GLRA3: variants seen among roughly 807,000 people sequenced by gnomAD.
GLRA3 encodes glycine receptor subunit alpha-3.
GLRA3 carries 44 observed loss-of-function variants against 60.4 expected under a neutral mutation model. That is an observed-to-expected ratio of 0.73 (90% CI 0.57 to 0.94). The LOEUF is 0.94. Among genes scored for constraint, GLRA3 ranks in the 40% least tolerant of loss-of-function variants. The pLI, the probability that GLRA3 is intolerant of heterozygous loss-of-function variation, is 0.00. For missense variants in GLRA3, 508 were observed against 564.6 expected (o/e 0.90, Z 1.02); for synonymous variants, 223 against 192.9 (o/e 1.16, Z -1.29).
chr4:174,686,661 G>T lies in GLRA3; in HGVS notation c.575-3722C>A, dbSNP rs188527334. Among the ~76,000 whole-genome samples the T allele has an allele frequency of 2.0e-5, 3 of 152,280 alleles. No individual in the cohort carries two copies. The East Asian group carries it at 5.8e-4, about 29-fold the overall frequency. On this transcript the variant is annotated intron_variant, in intron 5 of 9. Transcript: ENST00000274093. ...AGAAACTGCTGTGTGCATTTAGCGC[G>T]GGGTTCTGTGATATCTACCTAGGCC... is the stretch of plus-strand genomic sequence containing the variant.
At chr4:174,766,852 C>T in intron 3 of GLRA3, 111 bp downstream of exon 3, 2 of 597,986 alleles carry the variant, frequency 3.3e-6, no homozygotes, top group Non-Finnish European at 6.0e-6. Context: ...ATTAATTTTA[C>T]ATTTTAAAAT....
At chr4:174,666,309 T>C (rs768362136) in intron 7 of GLRA3, among the ~76,000 whole-genome samples, 1 of 152,078 alleles carries the variant, frequency 6.6e-6, no homozygotes, top group Non-Finnish European at 1.5e-5. Flanking sequence ...AACTTCCTAG[T>C]AGACAACGTA....
At chr4:174,675,243 T>A (rs1469444777) in intron 7 of GLRA3, among the ~76,000 whole-genome samples, 1 of 152,176 alleles carries the variant, frequency 6.6e-6, no homozygotes, top group Non-Finnish European at 1.5e-5. Flanking sequence ...AAAATTTATT[T>A]CTTCTGTAAG....
intron 3 of GLRA3, among the ~76,000 whole-genome samples, chr4:174,729,968 T>A (rs1314004501): frequency 6.6e-6 from 1 of 152,198 alleles, no homozygotes; most frequent in Non-Finnish European, 1.5e-5. Context: ...TTGTACTGAA[T>A]GTTACAAATC....
chr4:174,656,799 T>C lies in GLRA3; in HGVS notation c.1072-12A>G. On this transcript the variant is annotated splice_polypyrimidine_tract_variant and intron_variant, in intron 8 of 9. Coordinates refer to ENST00000274093, the MANE Select transcript of GLRA3 (RefSeq NM_006529.4). ...GCAAAAGCTTCTGTCTGTGGGAAGG[T>C]AAAGTGGACCAAGAGGAATTGAGAA... 1 of 1,534,352 alleles carries C rather than the reference T, an allele frequency of 6.5e-7. No homozygotes were observed. Among genetic ancestry groups the C allele is most frequent in the Non-Finnish European group, 9.0e-7 (1 of 1,107,712 alleles).
intron 5 of GLRA3, among the ~76,000 whole-genome samples, chr4:174,692,256 G>T (rs1271596927): frequency 1.4e-5 from 2 of 138,134 alleles, no homozygotes; most frequent in African/African-American, 5.4e-5. Context: ...CGCCCCATCC[G>T]CGAGGGAGGT....
chr4:174,717,380 AAG>A (rs1735968337), intron 4 of GLRA3, among the ~76,000 whole-genome samples: 11 of 136,814 alleles, frequency 8.0e-5, no homozygotes, highest in African/African-American at 2.9e-4. Flanking sequence ...AGGAAGGAAA[AAG>A]AAAGAAGAAA....
intron 1 of GLRA3, among the ~76,000 whole-genome samples, chr4:174,821,820 A>G (rs1206065897): frequency 6.6e-6 from 1 of 152,182 alleles, no homozygotes; most frequent in Non-Finnish European, 1.5e-5. Flanking sequence ...AGTAGTTAAT[A>G]TCTTCTAAGG....
chr4:174,647,728 A>T (rs929568401), intron 9 of GLRA3, among the ~76,000 whole-genome samples: 1 of 152,216 alleles, frequency 6.6e-6, no homozygotes, highest in African/African-American at 2.4e-5. Flanking sequence ...GTTTGAAAAA[A>T]AAAATAACTC....
At chr4:174,790,439 G>T (rs1488947590) in intron 1 of GLRA3, among the ~76,000 whole-genome samples, 1 of 151,906 alleles carries the variant, frequency 6.6e-6, no homozygotes, top group Non-Finnish European at 1.5e-5. Flanking sequence ...CTACCATCTG[G>T]TTTTAAGTAA....
rs116823670 is a variant in GLRA3, at chr4:174,663,786, C to T, written c.928-4589G>A. On this transcript the variant is annotated intron_variant, in intron 7 of 9. Transcript: ENST00000274093. ...TTCACAACACACTCATGACACACAG[C>T]GCACTCCCCATGGATTCAGAGTCAT... is the stretch of plus-strand genomic sequence containing the variant. 7.5e-3 allele frequency among the ~76,000 whole-genome samples: 1,148 copies of T among 152,232 alleles called. 11 individuals are homozygous for T. The highest frequency in any genetic ancestry group is 0.01 in the Non-Finnish European group (703 of 68,018).
At chr4:174,665,816 T>A (rs2110913334) in intron 7 of GLRA3, among the ~76,000 whole-genome samples, 1 of 152,246 alleles carries the variant, frequency 6.6e-6, no homozygotes, top group African/African-American at 2.4e-5. Flanking sequence ...AGGCTCTCAG[T>A]TGGGTTGACT....
chr4:174,741,288 G>T (rs1055832856), intron 3 of GLRA3, among the ~76,000 whole-genome samples: 4 of 152,094 alleles, frequency 2.6e-5, no homozygotes, highest in African/African-American at 9.7e-5. Flanking sequence ...TCTAATATGT[G>T]TGTAGTTGTT....
intron 5 of GLRA3, among the ~76,000 whole-genome samples, chr4:174,697,685 T>A (rs1735115338): frequency 6.6e-6 from 1 of 152,208 alleles, no homozygotes; most frequent in Non-Finnish European, 1.5e-5. Flanking sequence ...AGACTTAAAG[T>A]TTCCCCCTTT....
rs79930097 is a variant in GLRA3 at position 174,708,341 on chromosome 4, C to T, written c.574+7147G>A. 0.013 allele frequency among the ~76,000 whole-genome samples: 2,022 copies of T among 150,708 alleles called. 165 individuals carry two copies. In the East Asian group the frequency reaches 0.21, roughly 16 times the overall value. Reference sequence around the variant, plus strand: ...ATCTGAGAAATTAAATCATAAAATCCTCTCATCTCTCTTTAGAAATTTCTA... The same window carrying T: ...ATCTGAGAAATTAAATCATAAAATCTTCTCATCTCTCTTTAGAAATTTCTA... On this transcript the variant is annotated intron_variant, in intron 5 of 9. Transcript: ENST00000274093.
intron 6 of GLRA3, among the ~76,000 whole-genome samples, chr4:174,680,792 T>C (rs1244884554): frequency 6.6e-6 from 1 of 152,228 alleles, no homozygotes; most frequent in Non-Finnish European, 1.5e-5. Flanking sequence ...AATTTGTGTA[T>C]GAAAACATTT....
intron 5 of GLRA3, among the ~76,000 whole-genome samples, chr4:174,692,954 A>T (rs1178652739): frequency 3.3e-5 from 5 of 151,996 alleles, no homozygotes; most frequent in Non-Finnish European, 5.9e-5. Context: ...AAATAAAAAA[A>T]AAAAAAGAAA....
chr4:174,703,041 T>C (rs1735385047), intron 5 of GLRA3, among the ~76,000 whole-genome samples: 1 of 152,210 alleles, frequency 6.6e-6, no homozygotes, highest in Non-Finnish European at 1.5e-5. Context: ...CAAATCTGCA[T>C]GTAGATTTTC....
At chr4:174,749,484 A>C (rs556076468) in intron 3 of GLRA3, among the ~76,000 whole-genome samples, 3 of 152,146 alleles carry the variant, frequency 2.0e-5, no homozygotes, top group Non-Finnish European at 4.4e-5. Context: ...CTAGAAGTAC[A>C]CAGAAACCAG....
Sources: allele counts gnomAD v4.1 joint callset (sites outside exome capture counted in the v4.1 genomes callset), GRCh38; gene constraint gnomAD v4.1.1; transcripts MANE v1.5; gene names NCBI Gene and HGNC (gene_info 2026-07-23, HGNC 2026-07-21).